The following ARHGAP17 variants were observed in gnomAD, a reference collection of about 807,000 sequenced individuals.
ARHGAP17 encodes the protein Rho GTPase activating protein 17.
A neutral mutation model predicts 99.5 loss-of-function variants in ARHGAP17; 57 were observed. That is an observed-to-expected ratio of 0.57 (90% CI 0.46 to 0.71). The LOEUF is 0.71. Ranked by LOEUF, ARHGAP17 falls within the 30% of genes least tolerant of loss-of-function variation. The pLI is 0.00. For synonymous variants in ARHGAP17, 417 were observed against 429.6 expected, an observed-to-expected ratio of 0.97 and a Z score of 0.36; for missense variants, 1,000 against 1,122.4, an observed-to-expected ratio of 0.89 and a Z score of 1.56.
At chr16:24,933,530 C>T (rs1018210300) in intron 18 of ARHGAP17, among the ~76,000 whole-genome samples, 3 of 151,868 alleles carry the variant, frequency 2.0e-5, no homozygotes, top group African/African-American at 4.8e-5. Flanking sequence ...GTAAAGTCTA[C>T]TCTGCTACAC....
intron 14 of ARHGAP17, among the ~76,000 whole-genome samples, chr16:24,944,269 CAAA>C (rs68043853): frequency 3.3e-5 from 3 of 89,576 alleles, no homozygotes; most frequent in Admixed American, 1.3e-4. Flanking sequence ...AACTCTGTCT[CAAA>C]AAAAAAAAAA....
At chr16:24,939,002 A>G (rs1325580894) in intron 17 of ARHGAP17, among the ~76,000 whole-genome samples, 3 of 152,162 alleles carry the variant, frequency 2.0e-5, no homozygotes, top group Non-Finnish European at 4.4e-5. Flanking sequence ...TGCCACACTC[A>G]AATGCTTCCT....
chr16:24,943,624 G>T, intron 15 of ARHGAP17, 147 bp downstream of exon 15: 1 of 663,610 alleles, frequency 1.5e-6, no homozygotes. Flanking sequence ...AAATACAAAT[G>T]CAATGAACAA....
At chr16:25,008,183 G>C (rs1236361114) in intron 1 of ARHGAP17, among the ~76,000 whole-genome samples, 1 of 152,106 alleles carries the variant, frequency 6.6e-6, no homozygotes, top group African/African-American at 2.4e-5. Flanking sequence ...AATCCAAAAA[G>C]TTCTAAAAAA....
Position 24,930,897 on chromosome 16 carries a change from G to T in ARHGAP17, c.2402C>A (p.Pro801Gln). ...CACGCTGGGCCGGTTCCTTGGCTTT[G>T]GTACTGGTCTCGGTCTCGGTAAGGT... ...AGTLPRPRPV[P>Q]KPRNRPSVPP... The change falls in exon 19 of 20, where the codon CCA becomes CAA. Residue 801 changes from proline (P) to glutamine (Q), a missense_variant. This residue lies in a region of ARHGAP17 where 528 missense variants were observed against 511.4 expected (regional missense o/e 1.03). Coordinates refer to ENST00000289968, the MANE Select transcript of ARHGAP17 (RefSeq NM_001006634.3). The T allele has an allele frequency of 6.2e-7, 1 of 1,614,044 alleles. No homozygotes were observed. Among genetic ancestry groups the T allele is most frequent in the Non-Finnish European group, 8.5e-7 (1 of 1,180,006 alleles).
chr16:24,984,206 TG>T lies in ARHGAP17; in HGVS notation c.54-5202del, dbSNP rs143397701. On this transcript the variant is annotated intron_variant, in intron 1 of 19. Coordinates refer to ENST00000289968, the MANE Select transcript of ARHGAP17 (RefSeq NM_001006634.3). Reference sequence around the variant, plus strand: ...ATGGGAGCCAGGGACTCCCAAACCATGGACACGAATGCTCAAGTCCCCGCGA... The same window carrying T: ...ATGGGAGCCAGGGACTCCCAAACCATGACACGAATGCTCAAGTCCCCGCGA... Among the ~76,000 whole-genome samples the T allele has an allele frequency of 3.6e-3, 543 of 152,276 alleles. 4 individuals are homozygous for T. The East Asian group carries it at 0.059, about 17-fold the overall frequency.
chr16:25,013,091 G>T (rs527874059), intron 1 of ARHGAP17, among the ~76,000 whole-genome samples: 3 of 152,298 alleles, frequency 2.0e-5, no homozygotes, highest in Admixed American at 2.0e-4. Context: ...GCACAGAAAA[G>T]CAAGTGCTAC....
intron 10 of ARHGAP17, among the ~76,000 whole-genome samples, 165 bp downstream of exon 10, chr16:24,954,438 A>G (rs1216030020): frequency 6.6e-6 from 1 of 152,246 alleles, no homozygotes; most frequent in Non-Finnish European, 1.5e-5. Flanking sequence ...GCAATTTAAA[A>G]TATGGATCAT....
intron 1 of ARHGAP17, among the ~76,000 whole-genome samples, chr16:24,991,236 A>T (rs532956934): frequency 1.3e-5 from 2 of 152,348 alleles, no homozygotes; most frequent in South Asian, 4.1e-4. Flanking sequence ...TATAACCATA[A>T]AATTATAATA....
chr16:24,975,538 T>C (rs1002779476), intron 3 of ARHGAP17, among the ~76,000 whole-genome samples: 4 of 152,138 alleles, frequency 2.6e-5, no homozygotes, highest in African/African-American at 9.7e-5. Flanking sequence ...TGTGGAAGCA[T>C]AGGTGTATGC....
At chr16:25,000,945 G>A (rs1237555213) in intron 1 of ARHGAP17, among the ~76,000 whole-genome samples, 1 of 152,196 alleles carries the variant, frequency 6.6e-6, no homozygotes, top group African/African-American at 2.4e-5. Flanking sequence ...TGAGGAGAAC[G>A]TTGCTTGCAA....
intron 18 of ARHGAP17, among the ~76,000 whole-genome samples, chr16:24,932,054 G>C (rs1000958098): frequency 3.3e-5 from 5 of 151,138 alleles, no homozygotes; most frequent in African/African-American, 1.2e-4. Flanking sequence ...GAAGTCCAAG[G>C]CTGCAGTGAT....
intron 1 of ARHGAP17, among the ~76,000 whole-genome samples, chr16:24,997,594 G>A (rs1419519968): frequency 2.0e-5 from 3 of 152,198 alleles, no homozygotes; most frequent in Admixed American, 1.3e-4. Context: ...CGAGATCCAA[G>A]TGAGATGGAG....
rs74013614 is a variant in ARHGAP17 at position 25,000,209 on chromosome 16, G to A, written c.53+15000C>T. 4.3e-3 allele frequency among the ~76,000 whole-genome samples: 653 copies of A among 152,188 alleles called. 9 individuals are homozygous for A. Among genetic ancestry groups the A allele is most frequent in the African/African-American group, 0.015 (625 of 41,512 alleles). On this transcript the variant is annotated intron_variant, in intron 1 of 19. Transcript: ENST00000289968. ...GTTTTGAAAACTGAATTAACTAATC[G>A]CCAAGAAAGCCAATTCTTGAGGGAA...
intron 19 of ARHGAP17, among the ~76,000 whole-genome samples, chr16:24,926,362 G>A (rs1567729082): frequency 1.3e-5 from 2 of 151,992 alleles, no homozygotes; most frequent in Non-Finnish European, 2.9e-5. Context: ...CTGGGTTCAA[G>A]CAGTTCTCCT....
At chr16:24,993,327 T>C (rs1597469892) in intron 1 of ARHGAP17, among the ~76,000 whole-genome samples, 1 of 152,138 alleles carries the variant, frequency 6.6e-6, no homozygotes, top group African/African-American at 2.4e-5. Context: ...GGCTCACGCC[T>C]GTAATCCCAG....
intron 3 of ARHGAP17, among the ~76,000 whole-genome samples, chr16:24,975,545 A>G (rs2052490055): frequency 6.6e-6 from 1 of 152,198 alleles, no homozygotes; most frequent in Non-Finnish European, 1.5e-5. Flanking sequence ...GCATAGGTGT[A>G]TGCAAACTTC....
intron 1 of ARHGAP17, among the ~76,000 whole-genome samples, chr16:25,009,364 CA>C (rs113928999): frequency 0.35 from 41,494 of 117,550 alleles, 6,942 homozygotes; most frequent in East Asian, 0.56. Context: ...GAGACTCCGT[CA>C]AAAAAAAAAA....
chr16:24,939,347 GAA>G lies in ARHGAP17; in HGVS notation c.1724+15_1724+16del. 1 of 1,577,846 alleles carries G rather than the reference GAA, an allele frequency of 6.3e-7. No individual in the cohort carries two copies. Among genetic ancestry groups the G allele is most frequent in the Non-Finnish European group, 8.5e-7 (1 of 1,170,180 alleles). ...GGGCGTCCAGCCTCCACTGCCAGCA[GAA>G]GTCAGCCTCCTTACCTGCCGTCGCC... is the stretch of plus-strand genomic sequence containing the variant. On this transcript the variant is annotated intron_variant, in intron 17 of 19. Coordinates refer to ENST00000289968, the MANE Select transcript of ARHGAP17 (RefSeq NM_001006634.3).
Sources: allele counts gnomAD v4.1 joint callset (sites outside exome capture counted in the v4.1 genomes callset), GRCh38; gene constraint gnomAD v4.1.1; regional missense constraint gnomAD v4.1.1; transcripts MANE v1.5; gene names NCBI Gene and HGNC (gene_info 2026-07-23, HGNC 2026-07-21).